The following PXDN variants were observed in gnomAD, a reference collection of about 807,000 sequenced individuals.
PXDN encodes the protein peroxidasin, also known as peroxidasin homolog.
In PXDN, 77 loss-of-function variants were observed where a neutral mutation model predicts 140.3. The ratio of observed to expected loss-of-function variants is 0.55; its 90% CI spans 0.46 to 0.66. The LOEUF is 0.66. Ranked by LOEUF, PXDN falls within the 30% of genes least tolerant of loss-of-function variation. The pLI is 0.00. For missense variants in PXDN, 1,838 were observed against 2,039.5 expected (o/e 0.90, Z 1.90); for synonymous variants, 911 against 857.4 (o/e 1.06, Z -1.09).
chr2:1,675,268 G>A (rs1174007231), intron 8 of PXDN, among the ~76,000 whole-genome samples: 1 of 152,210 alleles, frequency 6.6e-6, no homozygotes, highest in Non-Finnish European at 1.5e-5. Context: ...AGCTGGTGGA[G>A]GGCAGAGCCC....
At chr2:1,675,810 AATGACTCAGTTTGAG>A (rs1683691818) in intron 8 of PXDN, among the ~76,000 whole-genome samples, 1 of 100,296 alleles carries the variant, frequency 1.0e-5, no homozygotes, top group African/African-American at 7.0e-5. Flanking sequence ...AGTATCAAAC[AATGACTCAGTTTGAG>A]CCCGAGTATC....
At position 1,685,303 on chromosome 2, in the gene PXDN, A is replaced by C. The variant is rs570091596; in HGVS notation, c.417-1152T>G. ...AATGGGAAACGTGAGGGAAGGAAAA[A>C]CTGGAGCAGGAAGACAAGGAAAACC... On this transcript the variant is annotated intron_variant, in intron 4 of 22. Coordinates refer to ENST00000252804, the MANE Select transcript of PXDN (RefSeq NM_012293.3). This position sits in a 1 kb window ranked among gnomAD's most constrained non-coding sequence, Gnocchi z 5.1. Among the ~76,000 whole-genome samples the C allele has an allele frequency of 6.6e-6, 1 of 152,288 alleles. No homozygotes were observed. Among genetic ancestry groups the C allele is most frequent in the Non-Finnish European group, 1.5e-5 (1 of 68,010 alleles).
At chr2:1,644,577 T>A (rs1161700610) in intron 18 of PXDN, 41 bp downstream of exon 18, 4 of 1,536,696 alleles carry the variant, frequency 2.6e-6, no homozygotes, top group Admixed American at 1.8e-5. Flanking sequence ...CCTAAGAAGG[T>A]GGCTTAGGAG....
chr2:1,697,357 T>C (rs1384609135), intron 1 of PXDN, among the ~76,000 whole-genome samples: 1 of 152,224 alleles, frequency 6.6e-6, no homozygotes, highest in Non-Finnish European at 1.5e-5. Context: ...CTTAGCTTAC[T>C]GGTCATCATT....
chr2:1,692,374 C>T (rs1684201052), intron 2 of PXDN, among the ~76,000 whole-genome samples: 1 of 152,190 alleles, frequency 6.6e-6, no homozygotes, highest in South Asian at 2.1e-4. Flanking sequence ...TCCGGGTGGA[C>T]AGACGTGCCA....
At chr2:1,641,624 A>T (rs1682729899) in intron 19 of PXDN, among the ~76,000 whole-genome samples, 1 of 152,222 alleles carries the variant, frequency 6.6e-6, no homozygotes, top group Admixed American at 6.5e-5. Flanking sequence ...GCTTAAGGCC[A>T]TGCCTGGTAT....
chr2:1,726,125 A>G (rs1000423941), intron 1 of PXDN, among the ~76,000 whole-genome samples: 1 of 152,140 alleles, frequency 6.6e-6, no homozygotes, highest in African/African-American at 2.4e-5. Context: ...AGACACATAC[A>G]CACGTATGTT....
Position 1,727,073 on chromosome 2 carries a change from T to G in PXDN, c.200+17183A>C, listed in dbSNP as rs78571079. Among the ~76,000 whole-genome samples the G allele has an allele frequency of 5.3e-5, 8 of 152,340 alleles. No individual in the cohort carries two copies. In the South Asian group the frequency reaches 6.2e-4, roughly 12 times the overall value. ...GGTCGGTTAGACAAAATTGCCATTCTCAAATGCAGTGAACACTCTGCTTCC... is the reference window on the plus strand; with the variant it reads ...GGTCGGTTAGACAAAATTGCCATTCGCAAATGCAGTGAACACTCTGCTTCC... On this transcript the variant is annotated intron_variant, in intron 1 of 22. Transcript: ENST00000252804.
intron 1 of PXDN, among the ~76,000 whole-genome samples, chr2:1,742,181 G>C (rs767516316): frequency 6.6e-6 from 1 of 152,178 alleles, no homozygotes; most frequent in Non-Finnish European, 1.5e-5. Context: ...CAGGAGCTGC[G>C]CTTCTCTCCC....
chr2:1,666,163 G>C, intron 10 of PXDN, 51 bp downstream of exon 10: 1 of 1,596,476 alleles, frequency 6.3e-7, no homozygotes, highest in Non-Finnish European at 8.6e-7. Context: ...GCTAGTGGAG[G>C]GGTGAGGATG....
At chr2:1,642,400 A>G (rs1365211996) in intron 19 of PXDN, among the ~76,000 whole-genome samples, 1 of 152,226 alleles carries the variant, frequency 6.6e-6, no homozygotes, top group Non-Finnish European at 1.5e-5. Context: ...GTGGTGGAGA[A>G]TATGTGGACA....
In PXDN at chr2:1,639,152, G is replaced by A. The variant is rs533207016; in HGVS notation, c.4073+150C>T. The A allele has an allele frequency of 1.8e-5, 27 of 1,476,322 alleles. No homozygotes were observed. In the African/African-American group the frequency reaches 3.4e-4, roughly 18 times the overall value. 91.5% of individuals were successfully genotyped at this position (1,476,322 alleles called of 1,614,324 possible). On this transcript the variant is annotated intron_variant, in intron 20 of 22. Coordinates refer to ENST00000252804, the MANE Select transcript of PXDN (RefSeq NM_012293.3). This position sits in a 1 kb window ranked among gnomAD's most constrained non-coding sequence, Gnocchi z 5.0. ...CTCTGAGTGGGCAGCACAGCAGGAC[G>A]CAGGCTGCGGCCTGGCCCCCAGTGC...
At chr2:1,728,095 T>C (rs2125487298) in intron 1 of PXDN, among the ~76,000 whole-genome samples, 1 of 152,270 alleles carries the variant, frequency 6.6e-6, no homozygotes, top group Non-Finnish European at 1.5e-5. Context: ...TATACCACCA[T>C]GTGCAGCTAA....
chr2:1,730,871 T>C (rs1233859928), intron 1 of PXDN, among the ~76,000 whole-genome samples: 1 of 151,902 alleles, frequency 6.6e-6, no homozygotes, highest in African/African-American at 2.4e-5. Flanking sequence ...CTTAGCGCAA[T>C]AATCACACTG....
At chr2:1,724,157 A>C (rs1685118858) in intron 1 of PXDN, among the ~76,000 whole-genome samples, 1 of 152,194 alleles carries the variant, frequency 6.6e-6, no homozygotes, top group Admixed American at 6.5e-5. Flanking sequence ...AACAATTCTC[A>C]GTGAAGAAAT....
chr2:1,703,016 GACAGCTCCAGGT>G (rs1684476445), intron 1 of PXDN, among the ~76,000 whole-genome samples: 1 of 101,936 alleles, frequency 9.8e-6, no homozygotes, highest in African/African-American at 3.8e-5. Context: ...GTGAAGGGGG[GACAGCTCCAGGT>G]GAAGGGGGGG....
rs1402303544 is a variant in PXDN, at chr2:1,708,911, CTG to C, written c.201-15779_201-15778del. Among the ~76,000 whole-genome samples the C allele has an allele frequency of 2.0e-5, 3 of 152,114 alleles. No individual in the cohort carries two copies. In the East Asian group the frequency reaches 5.8e-4, roughly 29 times the overall value. The stretch of plus-strand genomic sequence containing the variant: ...CAAGTACAGTTTTTTTAAGGAGTCA[CTG>C]ATGATGCAGAATGCTGGCTCCAAAA... On this transcript the variant is annotated intron_variant, in intron 1 of 22. Transcript: ENST00000252804.
intron 13 of PXDN, among the ~76,000 whole-genome samples, chr2:1,661,361 C>A: frequency 6.6e-6 from 1 of 152,138 alleles, no homozygotes; most frequent in East Asian, 1.9e-4. Flanking sequence ...GGGGGCCCTA[C>A]AAAGAGACCT....
intron 1 of PXDN, among the ~76,000 whole-genome samples, chr2:1,717,292 G>A (rs1684917938): frequency 6.6e-6 from 1 of 152,072 alleles, no homozygotes; most frequent in Non-Finnish European, 1.5e-5. Flanking sequence ...AAGTCTGACG[G>A]GAACAGAGAT....
Sources: gnomAD v4.1 joint callset for allele counts (sites outside exome capture counted in the v4.1 genomes callset) on GRCh38, gnomAD v4.1.1 for gene constraint, Gnocchi (gnomAD v3.1) non-coding constraint, MANE v1.5 for transcripts, NCBI Gene and HGNC (gene_info 2026-07-23, HGNC 2026-07-21) for gene names.